EXOC2: variants seen among roughly 807,000 people sequenced by gnomAD.
EXOC2 encodes exocyst complex component 2, also known as SEC5-like 1.
EXOC2 carries 70 observed loss-of-function variants against 131.8 expected under a neutral mutation model. The observed-to-expected ratio is 0.53, with a 90% confidence interval of 0.44 to 0.65. The LOEUF (loss-of-function observed/expected upper bound fraction) is 0.65, where lower values mean the gene tolerates loss of function less well. Ranked by LOEUF, EXOC2 falls within the 30% of genes least tolerant of loss-of-function variation. The pLI, the probability that EXOC2 is intolerant of heterozygous loss-of-function variation, is 0.00. For synonymous variants in EXOC2, 411 were observed against 398.4 expected, an observed-to-expected ratio of 1.03 and a Z score of -0.38; for missense variants, 923 against 1,108.6, an observed-to-expected ratio of 0.83 and a Z score of 2.38.
chr6:612,700 A>C (rs1178759424), intron 6 of EXOC2, among the ~76,000 whole-genome samples: 5 of 152,228 alleles, frequency 3.3e-5, no homozygotes, highest in African/African-American at 1.2e-4. Flanking sequence ...CAAAAAATCA[A>C]TTACGGCTCA....
rs2127460333 is a variant in EXOC2 at position 486,551 on chromosome 6, A to AAGAAAAAAG, written c.*111_*119dup. On this transcript the variant is annotated 3_prime_UTR_variant, in exon 28 of 28. Coordinates refer to ENST00000230449, the MANE Select transcript of EXOC2 (RefSeq NM_018303.6). ...TACCAACAATTTTCGAAGTCAGAGG[A>AAGAAAAAAG]AGAAAAAAGAGAAAAATGGCAAACC... 1 of 868,686 alleles carries AAGAAAAAAG rather than the reference A, an allele frequency of 1.2e-6. No individual in the cohort carries two copies. The highest frequency in any genetic ancestry group is 2.5e-5 in the East Asian group (1 of 39,794). 53.8% of individuals were successfully genotyped at this position (868,686 alleles called of 1,614,324 possible).
At chr6:487,761 C>A (rs374354629) in intron 27 of EXOC2, among the ~76,000 whole-genome samples, 3 of 152,124 alleles carry the variant, frequency 2.0e-5, no homozygotes, top group East Asian at 3.9e-4. Context: ...GGTTTGGATG[C>A]AGCAACCAAG....
At chr6:491,859 CA>C (rs1322809769) in intron 25 of EXOC2, among the ~76,000 whole-genome samples, 3 of 152,224 alleles carry the variant, frequency 2.0e-5, no homozygotes, top group African/African-American at 7.2e-5. Flanking sequence ...TGTATACCCT[CA>C]TATTTATGAT....
At chr6:632,781 A>G (rs1761917926) in intron 3 of EXOC2, among the ~76,000 whole-genome samples, 160 bp downstream of exon 3, 1 of 152,212 alleles carries the variant, frequency 6.6e-6, no homozygotes, top group Non-Finnish European at 1.5e-5. Context: ...AAGTAACACA[A>G]ATATTAACCA....
At chr6:649,423 T>C (rs539309071) in intron 1 of EXOC2, among the ~76,000 whole-genome samples, 9 of 152,182 alleles carry the variant, frequency 5.9e-5, no homozygotes, top group Non-Finnish European at 5.9e-5. Flanking sequence ...GTATATAAGA[T>C]GGGCTACAAA....
chr6:512,970 G>A (rs1033881618), intron 23 of EXOC2, among the ~76,000 whole-genome samples: 1 of 152,196 alleles, frequency 6.6e-6, no homozygotes, highest in East Asian at 1.9e-4. Flanking sequence ...TTTTCAATAT[G>A]AACCAAAGCA....
intron 1 of EXOC2, among the ~76,000 whole-genome samples, chr6:647,519 G>C (rs1020751174): frequency 1.1e-4 from 16 of 145,092 alleles, no homozygotes; most frequent in Non-Finnish European, 1.5e-5. Flanking sequence ...TTGTCAAACA[G>C]ACCAGATTCC....
chr6:613,205 T>C (rs1760803835), intron 6 of EXOC2, among the ~76,000 whole-genome samples: 1 of 152,164 alleles, frequency 6.6e-6, no homozygotes, highest in Non-Finnish European at 1.5e-5. Flanking sequence ...AAAACTGTAC[T>C]AAACATACCA....
At chr6:572,792 T>C in intron 12 of EXOC2, 148 bp from the exon 13 acceptor site, 1 of 991,328 alleles carries the variant, frequency 1.0e-6, no homozygotes, top group Non-Finnish European at 1.5e-6. Context: ...GCGGCCCACC[T>C]GGCTGACACC....
intron 26 of EXOC2, among the ~76,000 whole-genome samples, chr6:489,829 G>A (rs1361184936): frequency 1.3e-5 from 2 of 152,110 alleles, no homozygotes; most frequent in Non-Finnish European, 1.5e-5. Flanking sequence ...CAGGAAATAC[G>A]TTTTTGAGCA....
chr6:487,627 G>C (rs1419415939), intron 27 of EXOC2, among the ~76,000 whole-genome samples: 1 of 152,048 alleles, frequency 6.6e-6, no homozygotes, highest in African/African-American at 2.4e-5. Context: ...GGATGGTCTT[G>C]ATTTCCTGAA....
intron 23 of EXOC2, among the ~76,000 whole-genome samples, chr6:527,096 T>C (rs1334491888): frequency 1.3e-5 from 2 of 152,264 alleles, no homozygotes; most frequent in Non-Finnish European, 2.9e-5. Context: ...AATTCACATA[T>C]ACATGTAACA....
Position 489,099 on chromosome 6 carries a change from C to G in EXOC2, c.2622-61G>C, listed in dbSNP as rs548019801. 4 of 1,500,646 alleles carry G rather than the reference C, an allele frequency of 2.7e-6. No homozygotes were observed. In the Admixed American group the frequency reaches 5.2e-5, roughly 20 times the overall value. 93.0% of individuals were successfully genotyped at this position (1,500,646 alleles called of 1,614,324 possible). A position where few individuals can be genotyped will look rare whatever the true frequency, so the allele number is the denominator to read the frequency against. On this transcript the variant is annotated intron_variant, in intron 26 of 27. Coordinates refer to ENST00000230449, the MANE Select transcript of EXOC2 (RefSeq NM_018303.6). ...TGCACAGGAGAACTGCTGACAAATT[C>G]TTAAGCATCCCTTAATTATTGAGAA...
chr6:656,431 T>C, intron 1 of EXOC2: 3 of 1,613,924 alleles, frequency 1.9e-6, no homozygotes. Context: ...ACGTTCGCCA[T>C]CCTCTCCACG....
intron 23 of EXOC2, among the ~76,000 whole-genome samples, chr6:512,863 G>A (rs1764929580): frequency 6.6e-6 from 1 of 152,128 alleles, no homozygotes; most frequent in Admixed American, 6.5e-5. Context: ...TTGGTGTGAA[G>A]ATAACATACA....
At chr6:651,030 C>CTT (rs66636202) in intron 1 of EXOC2, among the ~76,000 whole-genome samples, 6 of 136,222 alleles carry the variant, frequency 4.4e-5, no homozygotes, top group African/African-American at 1.1e-4. Flanking sequence ...GGCATGTGTT[C>CTT]TTTTTTTTTT....
At chr6:623,163 C>T (rs1309471017) in intron 4 of EXOC2, among the ~76,000 whole-genome samples, 2 of 152,186 alleles carry the variant, frequency 1.3e-5, no homozygotes, top group Non-Finnish European at 2.9e-5. Flanking sequence ...CACCACAGGC[C>T]GCTGGGAGGA....
intron 21 of EXOC2, among the ~76,000 whole-genome samples, chr6:549,989 T>C (rs953847550): frequency 6.6e-6 from 1 of 152,234 alleles, no homozygotes; most frequent in African/African-American, 2.4e-5. Flanking sequence ...TTACGAAAAC[T>C]ACCAGACACA....
intron 22 of EXOC2, among the ~76,000 whole-genome samples, chr6:547,101 C>A (rs1006992900): frequency 1.3e-5 from 2 of 152,228 alleles, no homozygotes; most frequent in Non-Finnish European, 2.9e-5. Flanking sequence ...GCTGATGATA[C>A]CATTCCTGAT....
Sources: gnomAD v4.1 joint callset for allele counts (sites outside exome capture counted in the v4.1 genomes callset) on GRCh38, gnomAD v4.1.1 for gene constraint, MANE v1.5 for transcripts, NCBI Gene and HGNC (gene_info 2026-07-23, HGNC 2026-07-21) for gene names.